Variants in OTUD7A observed in about 807,000 individuals in gnomAD.
OTUD7A encodes OTU deubiquitinase 7A, also known as OTU domain-containing protein 7A.
OTUD7A carries 12 observed loss-of-function variants against 65.7 expected under a neutral mutation model. The ratio of observed to expected loss-of-function variants is 0.18; its 90% CI spans 0.12 to 0.30. The LOEUF (loss-of-function observed/expected upper bound fraction) is 0.30. Among genes scored for constraint, OTUD7A ranks in the 10% least tolerant of loss-of-function variants. OTUD7A has a pLI of 1.00. For missense variants in OTUD7A, 1,148 were observed against 1,304.8 expected, an observed-to-expected ratio of 0.88 and a Z score of 1.85; for synonymous variants, 641 against 586.3, an observed-to-expected ratio of 1.09 and a Z score of -1.35.
At chr15:31,700,013 G>A (rs1318338257) in intron 1 of OTUD7A, among the ~76,000 whole-genome samples, 3 of 150,810 alleles carry the variant, frequency 2.0e-5, no homozygotes, top group Non-Finnish European at 4.4e-5. Flanking sequence ...GCCTACATCT[G>A]GATTCCATCC....
intron 1 of OTUD7A, among the ~76,000 whole-genome samples, chr15:31,688,389 T>C (rs1892888874): frequency 1.3e-5 from 2 of 152,114 alleles, no homozygotes; most frequent in South Asian, 2.1e-4. Context: ...GTCCAGATTG[T>C]GCAGCACTCC....
At chr15:31,500,530 C>T (rs900495177) in intron 10 of OTUD7A, among the ~76,000 whole-genome samples, 4 of 152,222 alleles carry the variant, frequency 2.6e-5, no homozygotes, top group African/African-American at 7.2e-5. Context: ...GCCTCATTCC[C>T]GACTCAACTG....
intron 10 of OTUD7A, among the ~76,000 whole-genome samples, chr15:31,488,904 A>C (rs1031136293): frequency 1.3e-5 from 2 of 152,244 alleles, no homozygotes; most frequent in African/African-American, 4.8e-5. Context: ...GCTTTTCATT[A>C]ATCTGGCTTG....
intron 1 of OTUD7A, among the ~76,000 whole-genome samples, chr15:31,680,394 T>C (rs540470367): frequency 6.6e-6 from 1 of 152,310 alleles, no homozygotes; most frequent in South Asian, 2.1e-4. Context: ...AGTTTGTCCA[T>C]AGGAGATTGA....
At chr15:31,541,277 T>C (rs959374073) in intron 5 of OTUD7A, among the ~76,000 whole-genome samples, 1 of 152,208 alleles carries the variant, frequency 6.6e-6, no homozygotes, top group Non-Finnish European at 1.5e-5. Context: ...AGACCTGGCC[T>C]TTAGGTGTTA....
At chr15:31,767,163 G>C in intron 1 of OTUD7A, 2 of 1,283,560 alleles carry the variant, frequency 1.6e-6, no homozygotes, top group South Asian at 2.5e-5. Flanking sequence ...GCACTCAGTT[G>C]ATTTGAAGGA....
chr15:31,557,082 T>C (rs926857934), intron 5 of OTUD7A: 6 of 152,262 alleles, frequency 3.9e-5, no homozygotes, highest in Admixed American at 1.3e-4. Flanking sequence ...GTTGGGAATG[T>C]AGAGCCTGTT....
At chr15:31,586,069 T>C (rs1889526383) in intron 3 of OTUD7A, among the ~76,000 whole-genome samples, 1 of 152,192 alleles carries the variant, frequency 6.6e-6, no homozygotes, top group Admixed American at 6.5e-5. Flanking sequence ...GCTACGCTGG[T>C]TCACCCTATG....
At position 31,657,084 on chromosome 15, in the gene OTUD7A, G is replaced by T. The variant is rs1311010703; in HGVS notation, c.-99-7C>A. ...CTTCTTTCGTCACTGCCACCTGGGG[G>T]ACAGATCAGAGAACAAGAGCATGTG... On this transcript the variant is annotated splice_region_variant and splice_polypyrimidine_tract_variant and intron_variant, in intron 1 of 12. Transcript: ENST00000307050. The T allele has an allele frequency of 1.3e-5, 2 of 152,680 alleles. No homozygotes were observed. Among genetic ancestry groups the T allele is most frequent in the Non-Finnish European group, 2.9e-5 (2 of 68,042 alleles). The allele number at this position is 152,680 out of a possible 1,614,324, so 9.5% of individuals were successfully genotyped here. A position where few individuals can be genotyped will look rare whatever the true frequency, so the allele number is the denominator to read the frequency against.
intron 5 of OTUD7A, among the ~76,000 whole-genome samples, chr15:31,549,232 A>C (rs1888239757): frequency 6.6e-6 from 1 of 152,216 alleles, no homozygotes; most frequent in Non-Finnish European, 1.5e-5. Context: ...TGAAATGGTT[A>C]AAAGTGGCAC....
rs1445327076 is a variant in OTUD7A, at chr15:31,484,324, G to A, written c.1772C>T (p.Ser591Leu). The stretch of plus-strand genomic sequence containing the variant: ...TGTGGGCGACGGCGTGGTCTTTTCC[G>A]ACGGCGACGTGCTGGCCGACGCACC... The part of the protein sequence containing the change: ...ESGASASTSP[S>L]EKTTPSPTDK... The change falls in exon 13 of 13, where the codon TCG becomes TTG. Residue 591 changes from serine (S) to leucine (L), a missense_variant. Ser to Leu is a moderately radical substitution (Grantham distance 145). Around this residue, in one of 6 missense-constraint regions of OTUD7A, gnomAD observed 842 missense variants for 769.5 expected, o/e 1.09. Transcript: ENST00000307050. The surrounding 1 kb of genome is among the most constrained non-coding windows in gnomAD (Gnocchi z 4.5). The A allele has an allele frequency of 5.0e-6, 8 of 1,598,622 alleles. No individual in the cohort carries two copies. Among genetic ancestry groups the A allele is most frequent in the Non-Finnish European group, 6.8e-6 (8 of 1,178,314 alleles).
At chr15:31,781,801 C>T (rs1595764882) in intron 1 of OTUD7A, among the ~76,000 whole-genome samples, 2 of 152,194 alleles carry the variant, frequency 1.3e-5, no homozygotes, top group Admixed American at 1.3e-4. Flanking sequence ...ATGAAAATGG[C>T]TGACTTTATC....
intron 1 of OTUD7A, among the ~76,000 whole-genome samples, chr15:31,813,880 C>T (rs1567037065): frequency 6.6e-6 from 1 of 152,186 alleles, no homozygotes; most frequent in Non-Finnish European, 1.5e-5. Context: ...GCTCTACTTA[C>T]GTTCACCTGA....
intron 1 of OTUD7A, among the ~76,000 whole-genome samples, chr15:31,751,327 A>C (rs1403506109): frequency 2.0e-5 from 3 of 152,208 alleles, no homozygotes; most frequent in Non-Finnish European, 4.4e-5. Context: ...GCTCAACATC[A>C]CTAATCATCA....
chr15:31,551,711 A>T (rs969843139), intron 5 of OTUD7A, among the ~76,000 whole-genome samples: 6 of 152,232 alleles, frequency 3.9e-5, no homozygotes, highest in Admixed American at 2.0e-4. Flanking sequence ...TTCTTGCCCT[A>T]AATGTGACAC....
chr15:31,523,949 G>A (rs899150716), intron 8 of OTUD7A, among the ~76,000 whole-genome samples: 4 of 152,158 alleles, frequency 2.6e-5, no homozygotes, highest in Admixed American at 1.3e-4. Flanking sequence ...CTCTCTGTCC[G>A]TTACCCCAGT....
At chr15:31,508,104 A>T (rs892649110) in intron 8 of OTUD7A, among the ~76,000 whole-genome samples, 2 of 69,908 alleles carry the variant, frequency 2.9e-5, no homozygotes, top group Non-Finnish European at 5.5e-5. Flanking sequence ...TTACATTAAT[A>T]ACAAGGGAGC....
At chr15:31,828,699 C>A (rs756035071) in intron 1 of OTUD7A, among the ~76,000 whole-genome samples, 1 of 152,088 alleles carries the variant, frequency 6.6e-6, no homozygotes, top group Non-Finnish European at 1.5e-5. Context: ...TATTTTATCA[C>A]CAATCTGTAC....
chr15:31,643,975 C>T (rs938971578), intron 3 of OTUD7A, among the ~76,000 whole-genome samples: 37 of 152,142 alleles, frequency 2.4e-4, no homozygotes, highest in Non-Finnish European at 2.5e-4. Context: ...CGGGGGGATG[C>T]TTGCAGCTGC....
Sources: gnomAD v4.1 joint callset for allele counts (sites outside exome capture counted in the v4.1 genomes callset) on GRCh38, gnomAD v4.1.1 for gene constraint, gnomAD v4.1.1 regional missense constraint, Gnocchi (gnomAD v3.1) non-coding constraint, MANE v1.5 for transcripts, NCBI Gene and HGNC (gene_info 2026-07-23, HGNC 2026-07-21) for gene names.